The following ANKS1B variants were observed in gnomAD, a reference collection of about 807,000 sequenced individuals.
ANKS1B encodes ankyrin repeat and sterile alpha motif domain-containing protein 1B.
In ANKS1B, 36 loss-of-function variants were observed where a neutral mutation model predicts 148.3. That is an observed-to-expected ratio of 0.24 (90% confidence interval 0.19 to 0.32). ANKS1B has a LOEUF of 0.32. Among genes scored for constraint, ANKS1B ranks in the 10% least tolerant of loss-of-function variants. ANKS1B has a pLI of 1.00. For missense variants in ANKS1B, 1,157 were observed against 1,542.6 expected, an observed-to-expected ratio of 0.75 and a Z score of 4.19; for synonymous variants, 542 against 560.8, an observed-to-expected ratio of 0.97 and a Z score of 0.47.
intron 15 of ANKS1B, among the ~76,000 whole-genome samples, chr12:99,105,610 A>G (rs1852536201): frequency 6.6e-6 from 1 of 151,954 alleles, no homozygotes. Flanking sequence ...CTACTAAAAA[A>G]TACAAAAAAT....
chr12:99,778,989 G>A (rs1374489792), intron 6 of ANKS1B, among the ~76,000 whole-genome samples: 1 of 152,214 alleles, frequency 6.6e-6, no homozygotes, highest in Non-Finnish European at 1.5e-5. Flanking sequence ...TCCATAACAA[G>A]TGTAGGAGAT....
intron 10 of ANKS1B, among the ~76,000 whole-genome samples, chr12:99,475,723 TG>T (rs1415112813): frequency 4.6e-5 from 7 of 151,786 alleles, no homozygotes; most frequent in Admixed American, 2.6e-4. Context: ...AAAAAAAGAA[TG>T]CCTGTCCAAA....
intron 11 of ANKS1B, among the ~76,000 whole-genome samples, chr12:99,438,694 A>G (rs1462980074): frequency 1.3e-5 from 2 of 151,898 alleles, no homozygotes; most frequent in Admixed American, 6.6e-5. Flanking sequence ...ATTAGCATCC[A>G]AAGTAAAACA....
At chr12:99,798,258 T>C (rs2066484875) in intron 4 of ANKS1B, among the ~76,000 whole-genome samples, 1 of 151,768 alleles carries the variant, frequency 6.6e-6, no homozygotes, top group African/African-American at 2.4e-5. Flanking sequence ...ATAGCACAGA[T>C]AGCATAAAAC....
intron 9 of ANKS1B, among the ~76,000 whole-genome samples, chr12:99,573,353 T>C (rs998765001): frequency 4.6e-5 from 7 of 152,132 alleles, no homozygotes; most frequent in African/African-American, 1.4e-4. Flanking sequence ...TAGACATACA[T>C]TGACATATGA....
chr12:99,579,283 G>T (rs2097548108), intron 9 of ANKS1B, among the ~76,000 whole-genome samples: 1 of 152,072 alleles, frequency 6.6e-6, no homozygotes, highest in Non-Finnish European at 1.5e-5. Flanking sequence ...TTGGACATAG[G>T]TCTGGGCAAA....
In ANKS1B at chr12:99,850,229, T is replaced by C. The variant is rs73374340; in HGVS notation, c.135-24840A>G. Among the ~76,000 whole-genome samples, 1,201 of 150,484 alleles carry C rather than the reference T, an allele frequency of 8.0e-3. 14 individuals carry two copies. The highest frequency in any genetic ancestry group is 0.028 in the African/African-American group (1,136 of 40,872). ...TGAAATTGATGTGATTCAAAACATG[T>C]TATCCCAAAATATGGTATCTTCGCA... On this transcript the variant is annotated intron_variant, in intron 1 of 26. Coordinates refer to ENST00000683438, the MANE Select transcript of ANKS1B (RefSeq NM_001352186.2).
intron 9 of ANKS1B, among the ~76,000 whole-genome samples, chr12:99,528,432 C>CAAACA (rs1555472920): frequency 3.1e-5 from 3 of 96,694 alleles, no homozygotes; most frequent in African/African-American, 1.2e-4. Flanking sequence ...AAAACAAAAA[C>CAAACA]AAAAAAAAAA....
At chr12:99,792,734 G>T (rs2065814418) in intron 4 of ANKS1B, among the ~76,000 whole-genome samples, 1 of 151,842 alleles carries the variant, frequency 6.6e-6, no homozygotes, top group Non-Finnish European at 1.5e-5. Flanking sequence ...CTCACGACTA[G>T]TATCATACTG....
At chr12:99,611,139 G>C (rs1021309428) in intron 9 of ANKS1B, among the ~76,000 whole-genome samples, 3 of 152,078 alleles carry the variant, frequency 2.0e-5, no homozygotes, top group African/African-American at 7.2e-5. Flanking sequence ...TATATCAATA[G>C]TGCCTAATAA....
chr12:99,162,099 T>C (rs1294287784), intron 14 of ANKS1B, among the ~76,000 whole-genome samples: 1 of 152,128 alleles, frequency 6.6e-6, no homozygotes, highest in Admixed American at 6.5e-5. Flanking sequence ...TGTATAATTC[T>C]GTTTAAATAA....
At chr12:99,771,475 T>C (rs916998845) in intron 8 of ANKS1B, among the ~76,000 whole-genome samples, 40 of 152,114 alleles carry the variant, frequency 2.6e-4, no homozygotes, top group Non-Finnish European at 4.6e-4. Context: ...ATAAACACTA[T>C]GTGTTGTTTA....
At chr12:99,472,957 T>C (rs1474588140) in intron 10 of ANKS1B, among the ~76,000 whole-genome samples, 1 of 152,120 alleles carries the variant, frequency 6.6e-6, no homozygotes, top group African/African-American at 2.4e-5. Flanking sequence ...CTAATATTCT[T>C]CTAAGAGCAT....
chr12:99,052,240 C>T (rs1385240481), intron 17 of ANKS1B, among the ~76,000 whole-genome samples: 2 of 152,342 alleles, frequency 1.3e-5, no homozygotes, highest in African/African-American at 4.8e-5. Context: ...CAGTTGATCT[C>T]TTTGGGCTTG....
intron 24 of ANKS1B, 55 bp downstream of exon 24, chr12:98,781,062 T>A (rs1593454870): frequency 9.0e-7 from 1 of 1,115,344 alleles, no homozygotes; most frequent in Admixed American, 2.3e-5. Context: ...GGATTTTAGA[T>A]CATACACTCA....
chr12:99,929,634 T>G (rs1284217573), intron 1 of ANKS1B, among the ~76,000 whole-genome samples: 1 of 152,212 alleles, frequency 6.6e-6, no homozygotes, highest in Non-Finnish European at 1.5e-5. Context: ...GTTTTAGGTC[T>G]AACATTTAAG....
At chr12:99,661,136 C>T (rs2098475574) in intron 8 of ANKS1B, among the ~76,000 whole-genome samples, 2 of 152,042 alleles carry the variant, frequency 1.3e-5, no homozygotes, top group Admixed American at 6.5e-5. Flanking sequence ...CTCCCCAGAC[C>T]TCCACAAACA....
At chr12:99,739,358 A>G (rs984832140) in intron 8 of ANKS1B, among the ~76,000 whole-genome samples, 1 of 127,026 alleles carries the variant, frequency 7.9e-6, no homozygotes. Flanking sequence ...GGGCGGGGCC[A>G]AAAAAAAAGT....
chr12:99,110,082 A>G (rs2059994930), intron 15 of ANKS1B, among the ~76,000 whole-genome samples: 2 of 152,240 alleles, frequency 1.3e-5, no homozygotes, highest in Non-Finnish European at 2.9e-5. Context: ...CTCTGGGCCC[A>G]GAGTAGATGC....
Sources: gnomAD v4.1 joint callset for allele counts (sites outside exome capture counted in the v4.1 genomes callset) on GRCh38, gnomAD v4.1.1 for gene constraint, MANE v1.5 for transcripts, NCBI Gene and HGNC (gene_info 2026-07-23, HGNC 2026-07-21) for gene names.